The following WDR47 variants were observed in gnomAD, a reference collection of about 807,000 sequenced individuals.
WDR47 encodes the protein WD repeat domain 47.
Under a neutral mutation model 97.2 loss-of-function variants are expected in WDR47, and 32 were observed. That is an observed-to-expected ratio of 0.33 (90% CI 0.25 to 0.44). The LOEUF (loss-of-function observed/expected upper bound fraction) is 0.44, where lower values mean the gene tolerates loss of function less well. Among genes scored for constraint, WDR47 ranks in the 20% least tolerant of loss-of-function variants. The pLI is 1.00. For synonymous variants in WDR47, 375 were observed against 373.5 expected (o/e 1.00, Z -0.05); for missense variants, 782 against 1,102.3 (o/e 0.71, Z 4.11).
chr1:108,987,061 G>C, intron 9 of WDR47: 1 of 187,412 alleles, frequency 5.3e-6, no homozygotes, highest in South Asian at 1.3e-4. Context: ...TGCACCATCA[G>C]AGGAAACATT....
intron 9 of WDR47, among the ~76,000 whole-genome samples, chr1:108,987,989 ACTTT>A: frequency 3.3e-5 from 5 of 151,662 alleles, no homozygotes; most frequent in African/African-American, 1.2e-4. Flanking sequence ...TAATCCCAGC[ACTTT>A]GTGAGTCCGA....
chr1:109,036,294 C>A (rs765866315), intron 1 of WDR47, among the ~76,000 whole-genome samples: 43 of 152,114 alleles, frequency 2.8e-4, no homozygotes, highest in Non-Finnish European at 6.0e-4. Flanking sequence ...CCAAAATAGG[C>A]CAGGCGCGGT....
intron 1 of WDR47, among the ~76,000 whole-genome samples, chr1:109,036,652 C>G (rs759421437): frequency 6.6e-6 from 1 of 151,558 alleles, no homozygotes; most frequent in Non-Finnish European, 1.5e-5. Context: ...CTGGCTAACA[C>G]GGTGAAACCC....
chr1:109,020,589 A>G (rs1435865381), intron 2 of WDR47, among the ~76,000 whole-genome samples: 1 of 152,066 alleles, frequency 6.6e-6, no homozygotes, highest in Non-Finnish European at 1.5e-5. Flanking sequence ...TGAAAAACCT[A>G]CTATTTTATT....
chr1:109,020,885 C>A (rs937558498), intron 2 of WDR47, among the ~76,000 whole-genome samples: 5 of 69,376 alleles, frequency 7.2e-5, no homozygotes, highest in Non-Finnish European at 1.1e-4. Flanking sequence ...AGGAACACTT[C>A]ATTTTTTTTT....
chr1:109,032,505 C>A (rs199772301), intron 1 of WDR47, among the ~76,000 whole-genome samples: 507 of 84,822 alleles, frequency 6.0e-3, no homozygotes, highest in African/African-American at 6.8e-3. Context: ...GAGACTGTCT[C>A]AAAAAAAAAA....
At chr1:109,025,259 G>A (rs1282476500) in intron 1 of WDR47, among the ~76,000 whole-genome samples, 2 of 151,454 alleles carry the variant, frequency 1.3e-5, no homozygotes, top group Non-Finnish European at 2.9e-5. Context: ...GCAACATGGC[G>A]AAACATGGTC....
chr1:109,007,900 G>A (rs762404029), intron 5 of WDR47, among the ~76,000 whole-genome samples: 12 of 151,970 alleles, frequency 7.9e-5, no homozygotes, highest in African/African-American at 7.3e-5. Context: ...TCAGGAGTTC[G>A]AGACCAGCCT....
chr1:109,038,657 C>T (rs1245246220), intron 1 of WDR47, among the ~76,000 whole-genome samples: 4 of 150,374 alleles, frequency 2.7e-5, no homozygotes, highest in Non-Finnish European at 4.4e-5. Flanking sequence ...GCAGCCTGAA[C>T]GATAAAGTGA....
At position 109,013,868 on chromosome 1, in the gene WDR47, C is replaced by G. The variant is rs746393621; in HGVS notation, c.300G>C (p.Ala100=). Residue 100 remains alanine (A), a synonymous_variant, in exon 4 of 15, where the codon GCG becomes GCC. Transcript: ENST00000369962. ...KFLEALCVNN[A]MSAEDEPQHL... ...GCTGGGGCTCATCTTCTGCTGACAT[C>G]GCGTTGTTAACACATAAAGCTTCTA... 9 of 1,613,512 alleles carry G rather than the reference C, an allele frequency of 5.6e-6. No homozygotes were observed. Among genetic ancestry groups the G allele is most frequent in the Non-Finnish European group, 6.8e-6 (8 of 1,179,936 alleles).
At chr1:109,035,981 T>C (rs1662916541) in intron 1 of WDR47, among the ~76,000 whole-genome samples, 1 of 151,982 alleles carries the variant, frequency 6.6e-6, no homozygotes, top group South Asian at 2.1e-4. Flanking sequence ...ATATGCCAAC[T>C]TGCCTGGCTC....
intron 6 of WDR47, among the ~76,000 whole-genome samples, chr1:109,004,137 C>T (rs1660404393): frequency 6.6e-6 from 1 of 151,796 alleles, no homozygotes. Flanking sequence ...TGGTGGCGGG[C>T]GCCTGTGGTC....
chr1:109,004,880 T>C (rs1228348257), intron 5 of WDR47, among the ~76,000 whole-genome samples, 165 bp from the exon 6 acceptor site: 3 of 152,086 alleles, frequency 2.0e-5, no homozygotes, highest in African/African-American at 4.8e-5. Context: ...AACCTCTACC[T>C]CCCAGGTTCA....
intron 12 of WDR47, 121 bp downstream of exon 12, chr1:108,982,488 T>C (rs974779015): frequency 2.6e-5 from 31 of 1,175,652 alleles, no homozygotes; most frequent in Non-Finnish European, 3.2e-5. Context: ...GCTGTGATTG[T>C]GCCACTGCAC....
At position 109,024,129 on chromosome 1, in the gene WDR47, G is replaced by A. The variant is rs191487643; in HGVS notation, c.-9-608C>T. 2.0e-4 allele frequency among the ~76,000 whole-genome samples: 30 copies of A among 152,250 alleles called. No individual in the cohort carries two copies. In the East Asian group the frequency reaches 2.3e-3, roughly 12 times the overall value. On this transcript the variant is annotated intron_variant, in intron 1 of 14. Coordinates refer to ENST00000369962, the MANE Select transcript of WDR47 (RefSeq NM_001142551.2). ...TAAATGATGACCTGGTCAGTACAGC[G>A]GAGCCAAACAAAACAAGGTTAGTTA...
chr1:109,024,019 A>C (rs998399680), intron 1 of WDR47, among the ~76,000 whole-genome samples: 1 of 152,240 alleles, frequency 6.6e-6, no homozygotes, highest in Non-Finnish European at 1.5e-5. Flanking sequence ...ATAAGTACTT[A>C]ATGCCTTTTC....
intron 7 of WDR47, among the ~76,000 whole-genome samples, chr1:108,999,855 A>G (rs1204806057): frequency 1.3e-5 from 2 of 152,154 alleles, no homozygotes; most frequent in East Asian, 1.9e-4. Context: ...TCTCACTGCA[A>G]AATAAGTTGG....
In WDR47 at chr1:108,992,645, G is replaced by A. The variant is rs578001024; in HGVS notation, c.1692-1316C>T. ...CATTGAGCATATCCAAGTGAACAAA[G>A]CACCTAAGATGCGCCGCCGGACCTA... On this transcript the variant is annotated intron_variant, in intron 8 of 14. Transcript: ENST00000369962. 34 of 1,452,468 alleles carry A rather than the reference G, an allele frequency of 2.3e-5. No homozygotes were observed. The African/African-American group carries it at 4.3e-4, about 19-fold the overall frequency. 90.0% of individuals were successfully genotyped at this position (1,452,468 alleles called of 1,614,324 possible). A position where few individuals can be genotyped will look rare whatever the true frequency, so the allele number is the denominator to read the frequency against.
At chr1:108,974,859 T>C in intron 13 of WDR47, 105 bp from the exon 14 acceptor site, 1 of 849,428 alleles carries the variant, frequency 1.2e-6, no homozygotes, top group Non-Finnish European at 1.8e-6. Context: ...TTAATGTAGT[T>C]TATCAATACT....
Sources: gnomAD v4.1 joint callset for allele counts (sites outside exome capture counted in the v4.1 genomes callset) on GRCh38, gnomAD v4.1.1 for gene constraint, MANE v1.5 for transcripts, NCBI Gene and HGNC (gene_info 2026-07-23, HGNC 2026-07-21) for gene names.